COBLL1: variants seen among roughly 807,000 people sequenced by gnomAD.
The protein encoded by COBLL1 is cordon-bleu protein-like 1.
A neutral mutation model predicts 94.8 loss-of-function variants in COBLL1; 50 were observed. That is an observed-to-expected ratio of 0.53 (90% CI 0.42 to 0.67). The LOEUF is 0.67. Among genes scored for constraint, COBLL1 ranks in the 30% least tolerant of loss-of-function variants. The pLI is 0.00. For synonymous variants in COBLL1, 448 were observed against 473.8 expected (o/e 0.95, Z 0.71); for missense variants, 1,362 against 1,348.7 (o/e 1.01, Z -0.15).
chr2:164,709,701 G>C (rs758704709), intron 7 of COBLL1, among the ~76,000 whole-genome samples: 1 of 151,914 alleles, frequency 6.6e-6, no homozygotes. Context: ...TAGGCAACAA[G>C]AGTGAAACTC....
intron 2 of COBLL1, among the ~76,000 whole-genome samples, chr2:164,812,510 T>A (rs1684507623): frequency 6.6e-6 from 1 of 152,054 alleles, no homozygotes; most frequent in Non-Finnish European, 1.5e-5. Context: ...AGCCTTTTTG[T>A]GACACTATAG....
chr2:164,703,170 G>GT (rs1462143405), intron 9 of COBLL1: 6 of 1,613,850 alleles, frequency 3.7e-6, no homozygotes, highest in Non-Finnish European at 5.1e-6. Flanking sequence ...TCCTCCATCA[G>GT]TTTGGGCGCA....
intron 2 of COBLL1, among the ~76,000 whole-genome samples, chr2:164,829,572 A>G (rs1248404981): frequency 3.3e-5 from 5 of 152,118 alleles, no homozygotes; most frequent in Non-Finnish European, 7.4e-5. Context: ...TTTTCCATGA[A>G]GCAGTAGTGT....
intron 2 of COBLL1, among the ~76,000 whole-genome samples, chr2:164,839,038 A>G (rs1323959209): frequency 1.3e-5 from 2 of 152,228 alleles, no homozygotes; most frequent in Non-Finnish European, 2.9e-5. Flanking sequence ...AGGACAAGTT[A>G]GACAAGTGAA....
intron 2 of COBLL1, among the ~76,000 whole-genome samples, chr2:164,752,323 G>A (rs1158955502): frequency 1.3e-5 from 2 of 152,150 alleles, no homozygotes; most frequent in East Asian, 3.9e-4. Flanking sequence ...CCAGTAAGTG[G>A]TGGAGCTGAA....
At chr2:164,792,632 A>G (rs1027385906) in intron 2 of COBLL1, among the ~76,000 whole-genome samples, 4 of 152,174 alleles carry the variant, frequency 2.6e-5, no homozygotes, top group African/African-American at 9.7e-5. Flanking sequence ...AGTAGTACCA[A>G]TCAAATAGTG....
At chr2:164,664,720 T>C (rs1406472447) in intron 2 of COBLL1, among the ~76,000 whole-genome samples, 1 of 152,114 alleles carries the variant, frequency 6.6e-6, no homozygotes, top group East Asian at 1.9e-4. Context: ...ATTGAATAAA[T>C]AAAAAGAAAT....
intron 2 of COBLL1, among the ~76,000 whole-genome samples, chr2:164,818,687 T>G (rs377142924): frequency 6.9e-6 from 1 of 144,502 alleles, no homozygotes; most frequent in African/African-American, 2.6e-5. Context: ...ACATATATAG[T>G]GTATATGTAC....
intron 2 of COBLL1, among the ~76,000 whole-genome samples, chr2:164,769,802 C>G (rs1238910888): frequency 6.6e-6 from 1 of 152,110 alleles, no homozygotes; most frequent in African/African-American, 2.4e-5. Flanking sequence ...CCCCCCAGAG[C>G]AAGCATTTAT....
chr2:164,671,593 A>C (rs1574388842), intron 1 of COBLL1, among the ~76,000 whole-genome samples: 1 of 152,320 alleles, frequency 6.6e-6, no homozygotes, highest in East Asian at 1.9e-4. Flanking sequence ...CATTTCTGTC[A>C]ATTTATTATT....
intron 2 of COBLL1, among the ~76,000 whole-genome samples, chr2:164,815,398 C>CA (rs66834267): frequency 0.016 from 1,741 of 111,950 alleles, 20 homozygotes; most frequent in Middle Eastern, 0.063. Context: ...TATCCTATCT[C>CA]AAAAAAAAAA....
intron 7 of COBLL1, among the ~76,000 whole-genome samples, chr2:164,710,610 G>T (rs141402519): frequency 0.024 from 3,628 of 149,926 alleles, 69 homozygotes; most frequent in East Asian, 0.041. Flanking sequence ...TGTTGCCCAG[G>T]CTGGAGTACA....
At chr2:164,704,859 T>C in intron 8 of COBLL1, 93 bp downstream of exon 8, 1 of 1,294,672 alleles carries the variant, frequency 7.7e-7, no homozygotes, top group South Asian at 1.6e-5. Flanking sequence ...AAGTATTATT[T>C]AAAAAGCATA....
At chr2:164,764,686 A>G (rs1687851908) in intron 2 of COBLL1, among the ~76,000 whole-genome samples, 1 of 152,178 alleles carries the variant, frequency 6.6e-6, no homozygotes, top group African/African-American at 2.4e-5. Flanking sequence ...CAGACTATGG[A>G]GGTCATGGCA....
chr2:164,830,071 C>G (rs1054637804), intron 2 of COBLL1, among the ~76,000 whole-genome samples: 4 of 152,192 alleles, frequency 2.6e-5, no homozygotes, highest in Non-Finnish European at 5.9e-5. Context: ...TAAGCAGAGA[C>G]GAGTTCCTCA....
At chr2:164,775,157 T>TAA (rs10669922) in intron 2 of COBLL1, among the ~76,000 whole-genome samples, 3,013 of 148,448 alleles carry the variant, frequency 0.02, 92 homozygotes, top group African/African-American at 0.069. Context: ...CCCTGCCTCT[T>TAA]AAAAAAAAAA....
chr2:164,805,317 CTCTCTCTCTCTCTCTCTCTCTA>C (rs1559033274), intron 2 of COBLL1, among the ~76,000 whole-genome samples: 4 of 35,652 alleles, frequency 1.1e-4, no homozygotes, highest in South Asian at 8.3e-4. Context: ...CTCTCTCTCT[CTCTCTCTCTCTCTCTCTCTCTA>C]TATATATATA....
rs76429559 is a variant in COBLL1, at chr2:164,731,509, G to A, written c.231-1394C>T. Among the ~76,000 whole-genome samples, 83 of 152,230 alleles carry A rather than the reference G, an allele frequency of 5.5e-4. No homozygotes were observed. The East Asian group carries it at 0.012, about 22-fold the overall frequency. ...TTAATACTGTCATCCCTTAAGGAAAGCACACTAAAAAATCTTTGGTATCAT... is the reference window on the plus strand; with the variant it reads ...TTAATACTGTCATCCCTTAAGGAAAACACACTAAAAAATCTTTGGTATCAT... On this transcript the variant is annotated intron_variant, in intron 3 of 13. Coordinates refer to ENST00000652658, the MANE Select transcript of COBLL1 (RefSeq NM_001365672.2).
At chr2:164,669,525 C>T (rs1558903351) in intron 1 of COBLL1, among the ~76,000 whole-genome samples, 1 of 152,206 alleles carries the variant, frequency 6.6e-6, no homozygotes. Context: ...TAATACACAT[C>T]TATTTTTCCA....
Sources: allele counts gnomAD v4.1 joint callset (sites outside exome capture counted in the v4.1 genomes callset), GRCh38; gene constraint gnomAD v4.1.1; transcripts MANE v1.5; gene names NCBI Gene and HGNC (gene_info 2026-07-23, HGNC 2026-07-21).